Variants in LYRM4 observed in about 807,000 individuals in gnomAD.
The protein encoded by LYRM4 is LYR motif containing 4.
A neutral mutation model predicts 11.7 loss-of-function variants in LYRM4; 9 were observed. The observed-to-expected ratio is 0.77, with a 90% confidence interval of 0.46 to 1.34. The LOEUF (loss-of-function observed/expected upper bound fraction) is 1.34. LYRM4 is among the 40% of genes most tolerant of loss of function. LYRM4 has a pLI of 0.00. For missense variants in LYRM4, 133 were observed against 112.5 expected (o/e 1.18, Z -0.82); for synonymous variants, 42 against 40.4 (o/e 1.04, Z -0.15).
In LYRM4 at chr6:5,184,882, C is replaced by T. The variant is rs145397934; in HGVS notation, c.207+31736G>A. Among the ~76,000 whole-genome samples the T allele has an allele frequency of 3.8e-3, 577 of 152,328 alleles. 5 individuals are homozygous for T. The highest frequency in any genetic ancestry group is 0.013 in the African/African-American group (526 of 41,572). On this transcript the variant is annotated intron_variant, in intron 2 of 2. Transcript: ENST00000330636. ...AGGGAGCAGTGGAAGAACATATCCT[C>T]ATCACACCTCTGATTACACTTGGAA...
intron 2 of LYRM4, among the ~76,000 whole-genome samples, chr6:5,156,919 C>T (rs1365779151): frequency 6.6e-6 from 1 of 152,218 alleles, no homozygotes; most frequent in Non-Finnish European, 1.5e-5. Flanking sequence ...AAGATCCCCC[C>T]TGAAGCTCTC....
At chr6:5,118,455 A>T (rs9502271) in intron 2 of LYRM4, among the ~76,000 whole-genome samples, 4,634 of 152,216 alleles carry the variant, frequency 0.03, 79 homozygotes, top group Middle Eastern at 0.085. Context: ...ATATGGTCTC[A>T]GATGGCACAT....
chr6:5,094,843 GA>G, the LYRM4 span, among the ~76,000 whole-genome samples: 1 of 152,192 alleles, frequency 6.6e-6, no homozygotes, highest in Non-Finnish European at 1.5e-5. Flanking sequence ...CGCTGAAGGG[GA>G]AGGGGGATGA....
chr6:5,053,169 T>C, the LYRM4 span, among the ~76,000 whole-genome samples: 1 of 152,164 alleles, frequency 6.6e-6, no homozygotes, highest in Non-Finnish European at 1.5e-5. Context: ...TTTTAGATGA[T>C]TTTAAACAGG....
the LYRM4 span, among the ~76,000 whole-genome samples, chr6:5,040,072 T>A: frequency 1.3e-5 from 2 of 152,130 alleles, no homozygotes; most frequent in African/African-American, 4.8e-5. Flanking sequence ...TTAAAACATA[T>A]CCTAAACTAT....
intron 2 of LYRM4, among the ~76,000 whole-genome samples, chr6:5,118,860 C>A (rs376748407): frequency 1.3e-5 from 2 of 152,212 alleles, no homozygotes; most frequent in East Asian, 3.8e-4. Flanking sequence ...GTCCACATAA[C>A]CTTTTTTCTT....
downstream of LYRM4, chr6:5,104,011 T>G (rs1762585859): frequency 6.6e-6 from 1 of 152,612 alleles, no homozygotes; most frequent in African/African-American, 2.4e-5. Context: ...AAAGCTAATT[T>G]TCTACAAATG....
At chr6:5,180,786 C>T (rs920636006) in intron 2 of LYRM4, among the ~76,000 whole-genome samples, 2 of 152,172 alleles carry the variant, frequency 1.3e-5, no homozygotes, top group African/African-American at 2.4e-5. Context: ...CCAATCCTAG[C>T]CTGGGGAAGA....
At chr6:5,231,492 G>T (rs535209595) in intron 1 of LYRM4, among the ~76,000 whole-genome samples, 1 of 152,312 alleles carries the variant, frequency 6.6e-6, no homozygotes, top group African/African-American at 2.4e-5. Context: ...TTCACTTCTT[G>T]AAGTTAAAGG....
intron 2 of LYRM4, among the ~76,000 whole-genome samples, chr6:5,210,481 C>T (rs1581513209): frequency 1.3e-5 from 2 of 151,652 alleles, no homozygotes; most frequent in South Asian, 2.1e-4. Flanking sequence ...CAATGACTGG[C>T]TATAATTCGT....
chr6:5,106,663 A>G (rs1407824342), downstream of LYRM4: 1 of 152,260 alleles, frequency 6.6e-6, no homozygotes, highest in East Asian at 1.9e-4. Context: ...TCTCCCAGCT[A>G]TTATGTCATG....
At chr6:5,164,495 G>A (rs1323446923) in intron 2 of LYRM4, among the ~76,000 whole-genome samples, 4 of 152,166 alleles carry the variant, frequency 2.6e-5, no homozygotes, top group Admixed American at 2.6e-4. Context: ...CAGCACCACT[G>A]TATGAGATTC....
Position 5,114,270 on chromosome 6 carries a change from G to C in LYRM4, c.208-4779C>G, listed in dbSNP as rs76211055. Among the ~76,000 whole-genome samples, 271 of 152,340 alleles carry C rather than the reference G, an allele frequency of 1.8e-3. 2 individuals are homozygous for C. Among genetic ancestry groups the C allele is most frequent in the African/African-American group, 6.0e-3 (250 of 41,580 alleles). On this transcript the variant is annotated intron_variant, in intron 2 of 2. Transcript: ENST00000330636. ...GCTAAGACTGGGGGGCAGAAAGGTG[G>C]AGACTGAGTGCTTGATGACCATGGA...
rs751238622 is a variant in LYRM4 at position 5,115,584 on chromosome 6, T to C, written c.208-6093A>G. Among the ~76,000 whole-genome samples the C allele has an allele frequency of 6.4e-4, 98 of 152,020 alleles. 3 individuals are homozygous for C. The highest frequency in any genetic ancestry group is 1.3e-4 in the Admixed American group (2 of 15,264). ...TGAAAATTCTAGGGGAGGGGTGCCC[T>C]CCCGTAAGGCATGTAGCTGTGAGGT... On this transcript the variant is annotated intron_variant, in intron 2 of 2. Coordinates refer to ENST00000330636, the MANE Select transcript of LYRM4 (RefSeq NM_020408.6).
At chr6:5,109,543 G>T (rs375100855) in intron 2 of LYRM4, 52 bp from the exon 3 acceptor site, 4 of 1,538,050 alleles carry the variant, frequency 2.6e-6, no homozygotes, top group Non-Finnish European at 2.7e-6. Flanking sequence ...CTAGCCCCTG[G>T]GAAAGGCCAG....
intron 2 of LYRM4, among the ~76,000 whole-genome samples, chr6:5,142,336 G>C (rs1757452691): frequency 6.6e-6 from 1 of 150,740 alleles, no homozygotes; most frequent in Non-Finnish European, 1.5e-5. Flanking sequence ...CTGACACCCT[G>C]GCCAGACTCC....
At chr6:5,137,067 T>C (rs1451665868) in intron 2 of LYRM4, among the ~76,000 whole-genome samples, 3 of 152,228 alleles carry the variant, frequency 2.0e-5, no homozygotes, top group Non-Finnish European at 4.4e-5. Flanking sequence ...TTTTGGCCAT[T>C]TCACAGAAAC....
At chr6:5,107,975 C>T (rs1242990981), downstream of LYRM4, 2 of 152,208 alleles carry the variant, frequency 1.3e-5, no homozygotes, top group African/African-American at 4.8e-5. Flanking sequence ...CGCTGCACTC[C>T]AGCCTGGGTG....
In LYRM4 at chr6:5,208,075, C is replaced by T. The variant is rs565557970; in HGVS notation, c.207+8543G>A. Among the ~76,000 whole-genome samples, 41 of 152,174 alleles carry T rather than the reference C, an allele frequency of 2.7e-4. No individual in the cohort carries two copies. The South Asian group carries it at 8.1e-3, about 30-fold the overall frequency. On this transcript the variant is annotated intron_variant, in intron 2 of 2. Coordinates refer to ENST00000330636, the MANE Select transcript of LYRM4 (RefSeq NM_020408.6). ...GCATGTCAGGTCAGAATTTCCTCAC[C>T]TAAAAAAATGAGGATAAGAGTTCCT...
Sources: allele counts gnomAD v4.1 joint callset (sites outside exome capture counted in the v4.1 genomes callset), GRCh38; gene constraint gnomAD v4.1.1; transcripts MANE v1.5; gene names NCBI Gene and HGNC (gene_info 2026-07-23, HGNC 2026-07-21).